MALSU1: variants seen among roughly 807,000 people sequenced by gnomAD.
MALSU1 encodes the protein mitochondrial assembly of ribosomal large subunit 1, also known as mitochondrial assembly of ribosomal large subunit protein 1.
Under a neutral mutation model 22.1 loss-of-function variants are expected in MALSU1, and 22 were observed. That is an observed-to-expected ratio of 1.00 (90% CI 0.71 to 1.42). The LOEUF (loss-of-function observed/expected upper bound fraction) is 1.42. MALSU1 is among the 40% of genes most tolerant of loss of function. The pLI is 0.00. For synonymous variants in MALSU1, 153 were observed against 118.5 expected (o/e 1.29, Z -1.89); for missense variants, 379 against 308.3 (o/e 1.23, Z -1.72).
At chr7:23,301,993 C>A (rs924707468) in intron 2 of MALSU1, among the ~76,000 whole-genome samples, 3 of 151,778 alleles carry the variant, frequency 2.0e-5, no homozygotes, top group African/African-American at 7.3e-5. Flanking sequence ...GATATAAATT[C>A]AGTTCTGCAG....
chr7:23,304,915 C>G (rs989534353), intron 2 of MALSU1, among the ~76,000 whole-genome samples: 1 of 152,042 alleles, frequency 6.6e-6, no homozygotes, highest in African/African-American at 2.4e-5. Flanking sequence ...TCCTTTGATG[C>G]ACGAAAGTAT....
chr7:23,306,051 G>A (rs1343380603), intron 2 of MALSU1, among the ~76,000 whole-genome samples: 2 of 152,076 alleles, frequency 1.3e-5, no homozygotes, highest in African/African-American at 4.8e-5. Context: ...AAAATTAGCC[G>A]GGCGTGGTGG....
chr7:23,307,873 A>AC lies in MALSU1; in HGVS notation c.442dup (p.His148ProfsTer5). The AC allele has an allele frequency of 1.2e-6, 2 of 1,613,220 alleles. No homozygotes were observed. The highest frequency in any genetic ancestry group is 1.7e-6 in the Non-Finnish European group (2 of 1,179,312). ...AACCACCTGGCTTTTTGCAGTACAA[A>AC]CACCTGAAATGTAAACGTGACCCTC... On this transcript the variant is annotated frameshift_variant, in exon 3 of 4. Transcript: ENST00000466681. LOFTEE classifies it high-confidence loss of function.
At chr7:23,305,880 T>G (rs1783715871) in intron 2 of MALSU1, among the ~76,000 whole-genome samples, 1 of 152,156 alleles carries the variant, frequency 6.6e-6, no homozygotes. Flanking sequence ...ATTGTACAAG[T>G]CTTTTGCTCC....
In MALSU1 at chr7:23,300,851, C is replaced by A; in HGVS notation, c.269C>A (p.Pro90His). Reference protein sequence around the residue: ...PESDAADHTGPKFDIDMMVSL... With the variant: ...PESDAADHTGHKFDIDMMVSL... Reference sequence around the variant, plus strand: ...TTGTGCATTTCAGATCATACTGGTCCCAAGTTTGACATCGATATGATGGTT... The same window carrying A: ...TTGTGCATTTCAGATCATACTGGTCACAAGTTTGACATCGATATGATGGTT... The change falls in exon 2 of 4, where the codon CCC becomes CAC. Residue 90 changes from proline (P) to histidine (H), a missense_variant. Coordinates refer to ENST00000466681, the MANE Select transcript of MALSU1 (RefSeq NM_138446.2). The A allele has an allele frequency of 6.2e-7, 1 of 1,613,556 alleles. No individual in the cohort carries two copies. Among genetic ancestry groups the A allele is most frequent in the Non-Finnish European group, 8.5e-7 (1 of 1,179,792 alleles).
Position 23,309,962 on chromosome 7 carries a change from A to ATTC in MALSU1, c.*424_*426dup, listed in dbSNP as rs1316659558. On this transcript the variant is annotated 3_prime_UTR_variant, in exon 4 of 4. Transcript: ENST00000466681. The stretch of plus-strand genomic sequence containing the variant: ...TATTTTTATACTTTGAGGTGATAAT[A>ATTC]TTCTTCTAGGAGGACTTCTGTAACC... The ATTC allele has an allele frequency of 1.3e-5, 2 of 152,234 alleles. No individual in the cohort carries two copies. The highest frequency in any genetic ancestry group is 3.8e-4 in the East Asian group (2 of 5,202). 9.4% of individuals were successfully genotyped at this position (152,234 alleles called of 1,614,324 possible).
rs1202192962 is a variant in MALSU1 at position 23,299,512 on chromosome 7, A to C, written c.160A>C (p.Thr54Pro). 4 of 1,612,478 alleles carry C rather than the reference A, an allele frequency of 2.5e-6. No individual in the cohort carries two copies. In the African/African-American group the frequency reaches 5.3e-5, roughly 22 times the overall value. ...VGAAFCRACQ[T>P]PNFVRGLHSE... The stretch of plus-strand genomic sequence containing the variant: ...AGCAGCGTTCTGCCGGGCTTGCCAG[A>C]CCCCAAACTTTGTCCGCGGCCTGCA... The change falls in exon 1 of 4, where the codon ACC (threonine) becomes CCC (proline). Residue 54 changes from threonine (T) to proline (P), a missense_variant. Coordinates refer to ENST00000466681, the MANE Select transcript of MALSU1 (RefSeq NM_138446.2).
chr7:23,300,621 G>A (rs574609886), intron 1 of MALSU1, among the ~76,000 whole-genome samples: 2 of 152,242 alleles, frequency 1.3e-5, no homozygotes, highest in African/African-American at 4.8e-5. Flanking sequence ...GATGTATAGT[G>A]GCTCTGCGTA....
At chr7:23,300,080 G>T (rs372943121) in intron 1 of MALSU1, among the ~76,000 whole-genome samples, 15 of 152,244 alleles carry the variant, frequency 9.9e-5, no homozygotes, top group African/African-American at 3.6e-4. Context: ...TAAGAATGTA[G>T]AGTATGAGAG....
At chr7:23,307,835 T>C (rs757812905) in intron 2 of MALSU1, 33 bp from the exon 3 acceptor site, 2 of 1,453,184 alleles carry the variant, frequency 1.4e-6, no homozygotes, top group Non-Finnish European at 9.6e-7. Flanking sequence ...CCCCATCCCC[T>C]CTCCCTTTAA....
rs765961874 is a variant in MALSU1 at position 23,299,340 on chromosome 7, C to G, written c.-13C>G. 9.1e-6 allele frequency: 14 copies of G among 1,546,618 alleles called. No individual in the cohort carries two copies. Among genetic ancestry groups the G allele is most frequent in the Admixed American group, 3.8e-5 (2 of 53,142 alleles). On this transcript the variant is annotated 5_prime_UTR_variant, in exon 1 of 4. Coordinates refer to ENST00000466681, the MANE Select transcript of MALSU1 (RefSeq NM_138446.2). The stretch of plus-strand genomic sequence containing the variant: ...GTACCACCCACCCGCGACGCCGACG[C>G]AAGGCTGCTGCTATGGGGCCGGGCG...
chr7:23,309,362 TG>T lies in MALSU1; in HGVS notation c.526del (p.Val176Ter). On this transcript the variant is annotated frameshift_variant, in exon 4 of 4. Transcript: ENST00000466681. LOFTEE classifies it high-confidence loss of function. The stretch of plus-strand genomic sequence containing the variant: ...TCTTATCTGTCCCTGACAGGCAGCA[TG>T]GTGATTCATTTGATGCTTCCAGAAA... ...DDWLCVDFGS[M>X]VIHLMLPETR... 1 of 1,609,532 alleles carries T rather than the reference TG, an allele frequency of 6.2e-7. No homozygotes were observed. The highest frequency in any genetic ancestry group is 8.5e-7 in the Non-Finnish European group (1 of 1,178,510).
intron 2 of MALSU1, chr7:23,307,628 A>T (rs929392231): frequency 7.4e-6 from 3 of 403,002 alleles, no homozygotes; most frequent in Non-Finnish European, 8.8e-6. Context: ...TTGGTGAATG[A>T]ATGGGGTGAC....
At chr7:23,304,551 G>T (rs1055729597) in intron 2 of MALSU1, among the ~76,000 whole-genome samples, 3 of 152,192 alleles carry the variant, frequency 2.0e-5, no homozygotes, top group African/African-American at 7.2e-5. Context: ...CCAGGCTTCA[G>T]TGCAGTGGTG....
intron 3 of MALSU1, among the ~76,000 whole-genome samples, chr7:23,308,371 A>AT: frequency 6.6e-6 from 1 of 152,208 alleles, no homozygotes; most frequent in Non-Finnish European, 1.5e-5. Flanking sequence ...GAAGACTAGA[A>AT]TTTTGAAAAG....
intron 3 of MALSU1, among the ~76,000 whole-genome samples, chr7:23,308,968 ATCTT>A (rs1332043886): frequency 6.6e-6 from 1 of 152,218 alleles, no homozygotes; most frequent in African/African-American, 2.4e-5. Flanking sequence ...GGGAGGCAGT[ATCTT>A]TCTGTTAAGA....
intron 2 of MALSU1, 98 bp from the exon 3 acceptor site, chr7:23,307,770 T>A (rs1376439084): frequency 5.3e-6 from 4 of 754,504 alleles, no homozygotes; most frequent in Admixed American, 2.4e-5. Context: ...TAAGAAAGAT[T>A]AAAAAAAACA....
chr7:23,299,869 C>T (rs976636730), intron 1 of MALSU1, among the ~76,000 whole-genome samples: 1 of 152,116 alleles, frequency 6.6e-6, no homozygotes, highest in Non-Finnish European at 1.5e-5. Flanking sequence ...ACAGTCTCAC[C>T]GTCCTCACTT....
Position 23,300,676 on chromosome 7 carries a change from A to G in MALSU1, c.257-163A>G, listed in dbSNP as rs577569316. Among the ~76,000 whole-genome samples, 11 of 151,498 alleles carry G rather than the reference A, an allele frequency of 7.3e-5. No homozygotes were observed. The East Asian group carries it at 1.7e-3, about 24-fold the overall frequency. ...AAAAGTTGAGCGGTGCTATGATACTACTGCCCAGGTTCACCTTCCAGGAGG... is the reference window on the plus strand; with the variant it reads ...AAAAGTTGAGCGGTGCTATGATACTGCTGCCCAGGTTCACCTTCCAGGAGG... On this transcript the variant is annotated intron_variant, in intron 1 of 3. Transcript: ENST00000466681.
Sources: gnomAD v4.1 joint callset for allele counts (sites outside exome capture counted in the v4.1 genomes callset) on GRCh38, gnomAD v4.1.1 for gene constraint, MANE v1.5 for transcripts, NCBI Gene and HGNC (gene_info 2026-07-23, HGNC 2026-07-21) for gene names.